Variants in SLC2A1 observed in about 807,000 individuals in gnomAD.
SLC2A1 encodes solute carrier family 2 member 1.
A neutral mutation model predicts 46.6 loss-of-function variants in SLC2A1; 4 were observed. The ratio of observed to expected loss-of-function variants is 0.09; its 90% CI spans 0.04 to 0.20. The LOEUF is 0.20. Among genes scored for constraint, SLC2A1 ranks in the 10% least tolerant of loss-of-function variants. SLC2A1 has a pLI of 1.00. For synonymous variants in SLC2A1, 253 were observed against 270.0 expected, an observed-to-expected ratio of 0.94 and a Z score of 0.62; for missense variants, 352 against 667.0, an observed-to-expected ratio of 0.53 and a Z score of 5.20.
At chr1:42,928,133 G>T (rs1288747990) in intron 8 of SLC2A1, among the ~76,000 whole-genome samples, 1 of 152,256 alleles carries the variant, frequency 6.6e-6, no homozygotes, top group Non-Finnish European at 1.5e-5. Context: ...GAACATTCCT[G>T]GGGGTGGGGT....
rs117515851 is a variant in SLC2A1, at chr1:42,927,985, A to T, written c.1075-177T>A. Among the ~76,000 whole-genome samples the T allele has an allele frequency of 4.7e-4, 71 of 152,290 alleles. 1 individual carries two copies. The East Asian group carries it at 0.013, about 29-fold the overall frequency. On this transcript the variant is annotated intron_variant, in intron 8 of 9. Coordinates refer to ENST00000426263, the MANE Select transcript of SLC2A1 (RefSeq NM_006516.4). The surrounding 1 kb of genome is among the most constrained non-coding windows in gnomAD (Gnocchi z 5.3). Reference sequence around the variant, plus strand: ...TAAGTTTCCTCATCCGAACAAAATGATTTAAGTCCTGCAGGGTGGCTGCAA... The same window carrying T: ...TAAGTTTCCTCATCCGAACAAAATGTTTTAAGTCCTGCAGGGTGGCTGCAA...
rs1223105907 is a variant in SLC2A1, at chr1:42,925,752, T to TG, written c.*1288dup. 2 of 152,290 alleles carry TG rather than the reference T, an allele frequency of 1.3e-5. No individual in the cohort carries two copies. The highest frequency in any genetic ancestry group is 1.3e-4 in the Admixed American group (2 of 15,294). 9.4% of individuals were successfully genotyped at this position (152,290 alleles called of 1,614,324 possible). A position where few individuals can be genotyped will look rare whatever the true frequency, so the allele number is the denominator to read the frequency against. On this transcript the variant is annotated 3_prime_UTR_variant, in exon 10 of 10. Coordinates refer to ENST00000426263, the MANE Select transcript of SLC2A1 (RefSeq NM_006516.4). ...TGGAGTTAATGGAGTAGTGGTTGTA[T>TG]GGTACCATTGTTAAAAGCAGGTGTT... is the stretch of plus-strand genomic sequence containing the variant.
chr1:42,927,920 G>A lies in SLC2A1; in HGVS notation c.1075-112C>T. On this transcript the variant is annotated intron_variant, in intron 8 of 9. Coordinates refer to ENST00000426263, the MANE Select transcript of SLC2A1 (RefSeq NM_006516.4). This position sits in a 1 kb window ranked among gnomAD's most constrained non-coding sequence, Gnocchi z 5.3. ...AGCTATGCGAGAAGGCAGGAAGCCT[G>A]GGGATGGTCCTGGATTTGTTGTGTA... 2.4e-6 allele frequency: 2 copies of A among 830,326 alleles called. No individual in the cohort carries two copies. Among genetic ancestry groups the A allele is most frequent in the Non-Finnish European group, 4.0e-6 (2 of 501,080 alleles). The allele number at this position is 830,326 out of a possible 1,614,324, so 51.4% of individuals were successfully genotyped here.
At chr1:42,928,055 G>T (rs1333578433) in intron 8 of SLC2A1, among the ~76,000 whole-genome samples, 1 of 152,220 alleles carries the variant, frequency 6.6e-6, no homozygotes, top group Non-Finnish European at 1.5e-5. Context: ...TGTGCATGTG[G>T]ACGGTGCTAA....
chr1:42,947,581 CAAAAAAA>C (rs144784155), intron 1 of SLC2A1, among the ~76,000 whole-genome samples: 10,071 of 55,372 alleles, frequency 0.18, 401 homozygotes, highest in Admixed American at 0.31. Flanking sequence ...CACACACACA[CAAAAAAA>C]AAAAAAAAAA....
intron 2 of SLC2A1, among the ~76,000 whole-genome samples, chr1:42,933,708 G>A (rs896160379): frequency 1.3e-5 from 2 of 151,654 alleles, no homozygotes; most frequent in Admixed American, 6.6e-5. Context: ...TCTGAATGAG[G>A]GTGGATATGG....
chr1:42,932,562 A>T lies in SLC2A1; in HGVS notation c.115-1356T>A, dbSNP rs148330383. 2.9e-3 allele frequency among the ~76,000 whole-genome samples: 446 copies of T among 152,102 alleles called. 3 individuals carry two copies. Among genetic ancestry groups the T allele is most frequent in the African/African-American group, 0.011 (437 of 41,490 alleles). The stretch of plus-strand genomic sequence containing the variant: ...ACTCAATTCCATGTGAACCCAACCC[A>T]TCCCAACACCCCTCCGTGTGTGTGC... On this transcript the variant is annotated intron_variant, in intron 2 of 9. Transcript: ENST00000426263.
chr1:42,957,862 C>T (rs968981130), intron 1 of SLC2A1, among the ~76,000 whole-genome samples: 1 of 152,172 alleles, frequency 6.6e-6, no homozygotes, highest in South Asian at 2.1e-4. Flanking sequence ...GATCCCCCGC[C>T]CCTCCGGTTG....
chr1:42,947,600 A>AC (rs1241142952), intron 1 of SLC2A1, among the ~76,000 whole-genome samples: 1 of 144,820 alleles, frequency 6.9e-6, no homozygotes, highest in Non-Finnish European at 1.5e-5. Context: ...AAAAAAAAAA[A>AC]AAAAAACAGC....
chr1:42,947,612 G>T lies in SLC2A1; in HGVS notation c.19-4291C>A, dbSNP rs183390119. 5.8e-3 allele frequency among the ~76,000 whole-genome samples: 824 copies of T among 142,716 alleles called. 2 individuals are homozygous for T. Among genetic ancestry groups the T allele is most frequent in the Non-Finnish European group, 7.0e-3 (464 of 66,386 alleles). 93.6% of individuals were successfully genotyped at this position (142,716 alleles called of 152,430 possible). On this transcript the variant is annotated intron_variant, in intron 1 of 9. Coordinates refer to ENST00000426263, the MANE Select transcript of SLC2A1 (RefSeq NM_006516.4). Reference sequence around the variant, plus strand: ...AAAAAAAAAAAAAAAAAAAACAGCTGGATATGGTGGCACACATCTGTATCA... The same window carrying T: ...AAAAAAAAAAAAAAAAAAAACAGCTTGATATGGTGGCACACATCTGTATCA...
Position 42,930,049 on chromosome 1 carries a change from G to C in SLC2A1, c.517-14C>G. On this transcript the variant is annotated splice_polypyrimidine_tract_variant and intron_variant, in intron 4 of 9. Transcript: ENST00000426263. This position sits in a 1 kb window ranked among gnomAD's most constrained non-coding sequence, Gnocchi z 6.2. ...CAGGCCGAACACCTGGGGGAAGCAGGGGCCGTGAGCGCCTCTGCCCTGACC... is the reference window on the plus strand; with the variant it reads ...CAGGCCGAACACCTGGGGGAAGCAGCGGCCGTGAGCGCCTCTGCCCTGACC... The C allele has an allele frequency of 6.2e-7, 1 of 1,613,586 alleles. No individual in the cohort carries two copies. The highest frequency in any genetic ancestry group is 1.1e-5 in the South Asian group (1 of 91,048).
At chr1:42,958,485 G>C (rs1442439782) in intron 1 of SLC2A1, 149 bp downstream of exon 1, 1 of 436,282 alleles carries the variant, frequency 2.3e-6, no homozygotes. Flanking sequence ...CTGCGCTCGG[G>C]ACCCGCACCG....
In SLC2A1 at chr1:42,929,190, G is replaced by A; in HGVS notation, c.972+20C>T. Reference sequence around the variant, plus strand: ...TCCTCCCTGGGGTTTGGCTGGGGGGGCCAGTAAGCAAAGACTCACCGACAC... The same window carrying A: ...TCCTCCCTGGGGTTTGGCTGGGGGGACCAGTAAGCAAAGACTCACCGACAC... On this transcript the variant is annotated intron_variant, in intron 7 of 9. Transcript: ENST00000426263. The surrounding 1 kb of genome is among the most constrained non-coding windows in gnomAD (Gnocchi z 6.0). 1 of 1,603,842 alleles carries A rather than the reference G, an allele frequency of 6.2e-7. No homozygotes were observed.
chr1:42,933,632 C>A (rs1459964405), intron 2 of SLC2A1, among the ~76,000 whole-genome samples: 1 of 152,078 alleles, frequency 6.6e-6, no homozygotes, highest in Non-Finnish European at 1.5e-5. Flanking sequence ...ACGAAACTAA[C>A]CCCAGAGGAG....
intron 1 of SLC2A1, among the ~76,000 whole-genome samples, chr1:42,950,396 A>G (rs924591998): frequency 1.3e-5 from 2 of 152,250 alleles, no homozygotes; most frequent in Non-Finnish European, 2.9e-5. Context: ...GCATTCTCAA[A>G]GCCTTCCAGG....
rs1385129 is a variant in SLC2A1, at chr1:42,943,295, G to A, written c.45C>T (p.Ala15=). ...GGGAGCCAAGCACTGCTCCTCCCAC[G>A]GCCAGCATGAGGCGACCCGTCAGCT... The part of the protein sequence containing the change: ...SKKLTGRLML[A]VGGAVLGSLQ... The change falls in exon 2 of 10, where the codon GCC becomes GCT. Residue 15 remains alanine, a synonymous_variant. Coordinates refer to ENST00000426263, the MANE Select transcript of SLC2A1 (RefSeq NM_006516.4). 0.22 allele frequency: 360,530 copies of A among 1,611,710 alleles called. 41,236 individuals are homozygous for A. The highest frequency in any genetic ancestry group is 0.3 in the Admixed American group (17,915 of 59,906).
intron 8 of SLC2A1, 27 bp downstream of exon 8, chr1:42,928,905 C>T (rs1643455839): frequency 6.3e-7 from 1 of 1,598,386 alleles, no homozygotes; most frequent in South Asian, 1.1e-5. Flanking sequence ...TCCCGCATCC[C>T]TCACTCTCCA....
intron 1 of SLC2A1, among the ~76,000 whole-genome samples, chr1:42,953,078 C>A (rs922463641): frequency 6.6e-6 from 1 of 152,244 alleles, no homozygotes; most frequent in Non-Finnish European, 1.5e-5. Context: ...CCTCCCCACT[C>A]CCAAATGCCA....
At position 42,929,696 on chromosome 1, in the gene SLC2A1, T is replaced by C. The variant is rs5811; in HGVS notation, c.764A>G (p.Lys255Arg). Residue 255 changes from lysine to arginine, a missense_variant, in exon 6 of 10, where the codon AAG becomes AGG. By Grantham distance (26) the Lys-to-Arg change is conservative. This residue lies in a region of SLC2A1 where 167 missense variants were observed against 280.8 expected (regional missense o/e 0.59). Transcript: ENST00000426263. This position sits in a 1 kb window ranked among gnomAD's most constrained non-coding sequence, Gnocchi z 6.0. ...GAACAGCTCCAGGATGGTGACCTTC[T>C]TCTCCCGCATCATCTGCCGACTCTC... ...KEESRQMMRE[K>R]KVTILELFRS... 16 of 1,613,852 alleles carry C rather than the reference T, an allele frequency of 9.9e-6. No individual in the cohort carries two copies. Among genetic ancestry groups the C allele is most frequent in the Non-Finnish European group, 1.3e-5 (15 of 1,180,008 alleles).
Sources: allele counts gnomAD v4.1 joint callset (sites outside exome capture counted in the v4.1 genomes callset), GRCh38; gene constraint gnomAD v4.1.1; regional missense constraint gnomAD v4.1.1; non-coding constraint Gnocchi (gnomAD v3.1); transcripts MANE v1.5; gene names NCBI Gene and HGNC (gene_info 2026-07-23, HGNC 2026-07-21).